The following CEMIP2 variants were observed in gnomAD, a reference collection of about 807,000 sequenced individuals.
CEMIP2 encodes the protein cell migration inducing hyaluronidase 2, also known as cell surface hyaluronidase CEMIP2.
A neutral mutation model predicts 146.9 loss-of-function variants in CEMIP2; 79 were observed. The observed-to-expected ratio is 0.54, with a 90% CI of 0.45 to 0.65. The LOEUF is 0.65. CEMIP2 is among the 30% of genes least tolerant of loss of function. CEMIP2 has a pLI of 0.00. For missense variants in CEMIP2, 1,596 were observed against 1,696.2 expected, an observed-to-expected ratio of 0.94 and a Z score of 1.04; for synonymous variants, 601 against 606.3, an observed-to-expected ratio of 0.99 and a Z score of 0.13.
chr9:71,717,863 G>T, intron 13 of CEMIP2, 85 bp downstream of exon 13: 4 of 1,276,672 alleles, frequency 3.1e-6, no homozygotes, highest in Non-Finnish European at 3.2e-6. Context: ...AATCATCACT[G>T]TGCTTTCATG....
intron 15 of CEMIP2, 123 bp downstream of exon 15, chr9:71,714,811 A>C: frequency 1.0e-6 from 1 of 965,084 alleles, no homozygotes; most frequent in Admixed American, 2.7e-5. Flanking sequence ...AATAAATGAT[A>C]AAATAGGAAA....
intron 4 of CEMIP2, among the ~76,000 whole-genome samples, chr9:71,741,127 A>C (rs1823901580): frequency 6.7e-6 from 1 of 149,356 alleles, no homozygotes; most frequent in Admixed American, 6.7e-5. Context: ...GGTGCACCCT[A>C]GGTGTCAAGA....
At chr9:71,712,428 T>C in intron 15 of CEMIP2, 168 bp from the exon 16 acceptor site, 1 of 606,342 alleles carries the variant, frequency 1.6e-6, no homozygotes, top group Non-Finnish European at 2.9e-6. Context: ...TATGCTGTAG[T>C]GGGAAAGACA....
At chr9:71,707,321 G>A (rs897038998) in intron 17 of CEMIP2, among the ~76,000 whole-genome samples, 11 of 149,990 alleles carry the variant, frequency 7.3e-5, no homozygotes, top group African/African-American at 2.7e-4. Context: ...TGGGACTTAG[G>A]CAAGTATTAC....
At chr9:71,706,162 G>T (rs1254454236) in intron 17 of CEMIP2, among the ~76,000 whole-genome samples, 1 of 151,274 alleles carries the variant, frequency 6.6e-6, no homozygotes, top group Non-Finnish European at 1.5e-5. Context: ...CTGGGAGGTG[G>T]AGGTTGCAGT....
chr9:71,728,193 T>TTCTCTCTCTCTCTC lies in CEMIP2; in HGVS notation c.2049+1638_2049+1651dup, dbSNP rs369654117. 1.2e-3 allele frequency among the ~76,000 whole-genome samples: 37 copies of TTCTCTCTCTCTCTC among 29,610 alleles called. 4 individuals carry two copies. Among genetic ancestry groups the TTCTCTCTCTCTCTC allele is most frequent in the African/African-American group, 4.2e-3 (30 of 7,096 alleles). 19.4% of individuals were successfully genotyped at this position (29,610 alleles called of 152,430 possible). A position where few individuals can be genotyped will look rare whatever the true frequency, so the allele number is the denominator to read the frequency against. On this transcript the variant is annotated intron_variant, in intron 10 of 23. Transcript: ENST00000377044. The stretch of plus-strand genomic sequence containing the variant: ...TCTGTCTGGTCAACACAGCGAAACC[T>TTCTCTCTCTCTCTC]TCTCTCTCTCTCTCTCTCTCTCTCT...
intron 10 of CEMIP2, among the ~76,000 whole-genome samples, chr9:71,728,274 T>TATATATATATATACAC (rs1823481370): frequency 1.0e-4 from 1 of 9,896 alleles, no homozygotes; most frequent in African/African-American, 1.9e-4. Context: ...TATATATATA[T>TATATATATATATACAC]ATATATGTAT....
intron 21 of CEMIP2, among the ~76,000 whole-genome samples, chr9:71,692,365 A>C (rs1013406724): frequency 2.4e-3 from 216 of 90,480 alleles, no homozygotes; most frequent in African/African-American, 5.0e-3. Flanking sequence ...TCTACCCCCC[A>C]TCTCTCTCTC....
chr9:71,707,712 T>A (rs140888821), intron 17 of CEMIP2, among the ~76,000 whole-genome samples: 2 of 152,082 alleles, frequency 1.3e-5, no homozygotes, highest in African/African-American at 4.8e-5. Context: ...ACAGCACGGA[T>A]CCTCCCCAGG....
At position 71,713,689 on chromosome 9, in the gene CEMIP2, A is replaced by G. The variant is rs958294777; in HGVS notation, c.2591+1245T>C. 7.9e-5 allele frequency among the ~76,000 whole-genome samples: 12 copies of G among 151,264 alleles called. No individual in the cohort carries two copies. In the East Asian group the frequency reaches 2.2e-3, roughly 27 times the overall value. On this transcript the variant is annotated intron_variant, in intron 15 of 23. Coordinates refer to ENST00000377044, the MANE Select transcript of CEMIP2 (RefSeq NM_013390.3). ...TGACAACCAATACAGCTTTTTAAAAAATCTACACCTTAGAAACAGCAGCAA... is the reference window on the plus strand; with the variant it reads ...TGACAACCAATACAGCTTTTTAAAAGATCTACACCTTAGAAACAGCAGCAA...
At chr9:71,699,475 A>C in intron 19 of CEMIP2, 1 of 421,218 alleles carries the variant, frequency 2.4e-6, no homozygotes, top group Non-Finnish European at 4.6e-6. Flanking sequence ...AGAAAGAAAG[A>C]AAGAAAAAGA....
rs987369715 is a variant in CEMIP2 at position 71,684,480 on chromosome 9, T to C, written c.*717A>G. On this transcript the variant is annotated 3_prime_UTR_variant, in exon 24 of 24. Transcript: ENST00000377044. ...AGGCTAAGGATTAAAGCTGCAAAAA[T>C]GGTCCCAACAGCCTCAGACTTTTGC... 6.6e-6 allele frequency: 1 copy of C among 152,546 alleles called. No individual in the cohort carries two copies. The highest frequency in any genetic ancestry group is 1.5e-5 in the Non-Finnish European group (1 of 68,022). 9.4% of individuals were successfully genotyped at this position (152,546 alleles called of 1,614,324 possible).
chr9:71,718,143 A>T, intron 12 of CEMIP2, 64 bp from the exon 13 acceptor site: 1 of 1,439,742 alleles, frequency 6.9e-7, no homozygotes, highest in Non-Finnish European at 9.3e-7. Context: ...AGCTAGTTAT[A>T]AGTTTAAGTG....
intron 14 of CEMIP2, 43 bp from the exon 15 acceptor site, chr9:71,715,132 AT>A: frequency 6.3e-7 from 1 of 1,595,810 alleles, no homozygotes; most frequent in Non-Finnish European, 8.5e-7. Context: ...TCTCCAGAAA[AT>A]TTAAATGTAT....
At chr9:71,711,945 T>A (rs770107342) in intron 16 of CEMIP2, 138 bp downstream of exon 16, 36 of 843,274 alleles carry the variant, frequency 4.3e-5, no homozygotes, top group Non-Finnish European at 6.2e-5. Flanking sequence ...TGCATGGAAT[T>A]AGGAGCTGGC....
At position 71,689,364 on chromosome 9, in the gene CEMIP2, G is replaced by A. The variant is rs544341848; in HGVS notation, c.3851+728C>T. 1.3e-3 allele frequency among the ~76,000 whole-genome samples: 201 copies of A among 152,310 alleles called. 2 individuals carry two copies. Among genetic ancestry groups the A allele is most frequent in the Non-Finnish European group, 4.4e-4 (30 of 68,022 alleles). ...CTTAATGGTTCCATTAAATGAAAGCGGGTGTATAAATCAACATCTGCGGCA... is the reference window on the plus strand; with the variant it reads ...CTTAATGGTTCCATTAAATGAAAGCAGGTGTATAAATCAACATCTGCGGCA... On this transcript the variant is annotated intron_variant, in intron 22 of 23. Coordinates refer to ENST00000377044, the MANE Select transcript of CEMIP2 (RefSeq NM_013390.3).
chr9:71,754,825 G>A (rs568368251), intron 1 of CEMIP2, among the ~76,000 whole-genome samples: 1 of 152,068 alleles, frequency 6.6e-6, no homozygotes, highest in Non-Finnish European at 1.5e-5. Flanking sequence ...GGCAATTTAG[G>A]CAGTATTAAA....
intron 15 of CEMIP2, among the ~76,000 whole-genome samples, chr9:71,712,829 A>T (rs1822947906): frequency 1.3e-5 from 2 of 152,242 alleles, no homozygotes; most frequent in Non-Finnish European, 2.9e-5. Flanking sequence ...CTTTCTGTTC[A>T]AACACAAACT....
At position 71,730,128 on chromosome 9, in the gene CEMIP2, G is replaced by C. The variant is rs144074911; in HGVS notation, c.1899C>G (p.Thr633=). 1 of 1,613,994 alleles carries C rather than the reference G, an allele frequency of 6.2e-7. No individual in the cohort carries two copies. Residue 633 remains threonine, a synonymous_variant, in exon 9 of 24, where the codon ACC becomes ACG. Coordinates refer to ENST00000377044, the MANE Select transcript of CEMIP2 (RefSeq NM_013390.3). Reference sequence around the variant, plus strand: ...TGGTACACATGGAGTTGTTCCTATCGGTGGGCAGGAGAGTACCCGGCTTGG... The same window carrying C: ...TGGTACACATGGAGTTGTTCCTATCCGTGGGCAGGAGAGTACCCGGCTTGG... The part of the protein sequence containing the change: ...LLTKPGTLLP[T]DRNNSMCTTM...
Sources: gnomAD v4.1 joint callset for allele counts (sites outside exome capture counted in the v4.1 genomes callset) on GRCh38, gnomAD v4.1.1 for gene constraint, MANE v1.5 for transcripts, NCBI Gene and HGNC (gene_info 2026-07-23, HGNC 2026-07-21) for gene names.